The following ATAD1 variants were observed in gnomAD, a reference collection of about 807,000 sequenced individuals.
The protein encoded by ATAD1 is outer mitochondrial transmembrane helix translocase.
Under a neutral mutation model 42.7 loss-of-function variants are expected in ATAD1, and 18 were observed. That is an observed-to-expected ratio of 0.42 (90% CI 0.29 to 0.63). The LOEUF (loss-of-function observed/expected upper bound fraction) is 0.63. Ranked by LOEUF, ATAD1 falls within the 20% of genes least tolerant of loss-of-function variation. ATAD1 has a pLI of 0.19. For synonymous variants in ATAD1, 132 were observed against 143.1 expected, an observed-to-expected ratio of 0.92 and a Z score of 0.55; for missense variants, 294 against 440.4, an observed-to-expected ratio of 0.67 and a Z score of 2.98.
At chr10:87,822,888 A>T (rs1857656810), upstream of ATAD1, among the ~76,000 whole-genome samples, 5 of 152,124 alleles carry the variant, frequency 3.3e-5, no homozygotes, top group Admixed American at 3.3e-4. Flanking sequence ...CTGTATCAGC[A>T]TATATCATGT....
rs1055089995 is a variant in ATAD1, at chr10:87,807,836, T to C, written c.162+6602A>G. Among the ~76,000 whole-genome samples, 94 of 152,184 alleles carry C rather than the reference T, an allele frequency of 6.2e-4. 1 individual carries two copies. The highest frequency in any genetic ancestry group is 2.2e-3 in the African/African-American group (91 of 41,448). ...AAGACCCAAAGTAGTTAAATAAAAC[T>C]TTGTGTTTTAGGATTGCCTTCCCTA... On this transcript the variant is annotated intron_variant, in intron 2 of 9. Coordinates refer to ENST00000680024, the MANE Select transcript of ATAD1 (RefSeq NM_001321967.2).
intron 1 of ATAD1, among the ~76,000 whole-genome samples, chr10:87,829,066 A>G (rs2132106662): frequency 6.6e-6 from 1 of 152,300 alleles, no homozygotes. Context: ...CTACTAACAC[A>G]TCATCCATTC....
chr10:87,762,731 G>A (rs1445684553), intron 8 of ATAD1, among the ~76,000 whole-genome samples: 1 of 151,338 alleles, frequency 6.6e-6, no homozygotes, highest in Non-Finnish European at 1.5e-5. Flanking sequence ...GCCTCCCAAA[G>A]TGCCAGGATT....
chr10:87,823,425 A>C (rs1304525179), intron 1 of ATAD1, among the ~76,000 whole-genome samples: 1 of 152,210 alleles, frequency 6.6e-6, no homozygotes, highest in Non-Finnish European at 1.5e-5. Context: ...AGGATTGAAC[A>C]AAACCAGAAT....
At chr10:87,811,854 A>G (rs1857199370) in intron 2 of ATAD1, among the ~76,000 whole-genome samples, 1 of 152,188 alleles carries the variant, frequency 6.6e-6, no homozygotes, top group African/African-American at 2.4e-5. Flanking sequence ...TACCACCAAC[A>G]CAAACCCAAC....
At chr10:87,790,271 G>T in intron 4 of ATAD1, 39 bp downstream of exon 4, 4 of 1,587,978 alleles carry the variant, frequency 2.5e-6, no homozygotes, top group Non-Finnish European at 3.4e-6. Flanking sequence ...TGTTTTCTAG[G>T]ATTTTAATGC....
intron 7 of ATAD1, among the ~76,000 whole-genome samples, chr10:87,770,586 A>G (rs951351045): frequency 1.3e-5 from 2 of 152,218 alleles, no homozygotes; most frequent in African/African-American, 4.8e-5. Flanking sequence ...GGCCTTCTGA[A>G]TAGAACAATT....
intron 3 of ATAD1, among the ~76,000 whole-genome samples, chr10:87,791,903 G>A (rs1435331321): frequency 6.6e-6 from 1 of 152,094 alleles, no homozygotes; most frequent in East Asian, 1.9e-4. Context: ...CATTTGCCAA[G>A]GCCATTAATG....
chr10:87,808,043 A>G (rs1298985212), intron 2 of ATAD1, among the ~76,000 whole-genome samples: 3 of 152,158 alleles, frequency 2.0e-5, no homozygotes, highest in Non-Finnish European at 4.4e-5. Flanking sequence ...GCTACTATAT[A>G]ATGCTTTTTT....
At chr10:87,828,504 G>A (rs1274092122) in intron 1 of ATAD1, among the ~76,000 whole-genome samples, 1 of 152,308 alleles carries the variant, frequency 6.6e-6, no homozygotes, top group East Asian at 1.9e-4. Flanking sequence ...AGTTCATGAG[G>A]TTTAAGGAAG....
At chr10:87,840,937 A>G (rs1047255463) in intron 1 of ATAD1, among the ~76,000 whole-genome samples, 1 of 152,216 alleles carries the variant, frequency 6.6e-6, no homozygotes, top group Non-Finnish European at 1.5e-5. Flanking sequence ...TATAATTGAA[A>G]AAGTATGTAG....
chr10:87,788,890 G>C (rs1189980305), intron 4 of ATAD1, among the ~76,000 whole-genome samples: 1 of 151,948 alleles, frequency 6.6e-6, no homozygotes, highest in Non-Finnish European at 1.5e-5. Context: ...TTGCGGCAGG[G>C]GGGAAATCAC....
At chr10:87,813,579 T>G (rs537070126) in intron 2 of ATAD1, among the ~76,000 whole-genome samples, 1 of 152,188 alleles carries the variant, frequency 6.6e-6, no homozygotes, top group South Asian at 2.1e-4. Flanking sequence ...GTCATTTATT[T>G]ACATCCCTAT....
At chr10:87,801,342 A>T (rs1856682641) in intron 2 of ATAD1, among the ~76,000 whole-genome samples, 1 of 151,924 alleles carries the variant, frequency 6.6e-6, no homozygotes, top group Non-Finnish European at 1.5e-5. Flanking sequence ...CTTTTTTTTG[A>T]CCTAATTAAT....
chr10:87,834,817 TTTATTG>T (rs1490692267), intron 1 of ATAD1, among the ~76,000 whole-genome samples: 4 of 151,920 alleles, frequency 2.6e-5, no homozygotes, highest in Admixed American at 1.3e-4. Context: ...TTGGGTTTAT[TTTATTG>T]TTATTAACTT....
intron 9 of ATAD1, among the ~76,000 whole-genome samples, chr10:87,755,877 G>C (rs547146155): frequency 6.6e-6 from 1 of 152,114 alleles, no homozygotes; most frequent in Non-Finnish European, 1.5e-5. Flanking sequence ...ACTCCAGCCT[G>C]GGCAAAAGAG....
upstream of ATAD1, among the ~76,000 whole-genome samples, chr10:87,820,306 A>G (rs909352366): frequency 1.3e-4 from 20 of 152,180 alleles, no homozygotes; most frequent in Non-Finnish European, 2.5e-4. Flanking sequence ...ACTGGTAAGG[A>G]AAATGAGCTG....
Position 87,784,473 on chromosome 10 carries a change from T to C in ATAD1, c.580A>G (p.Ile194Val), listed in dbSNP as rs1855724902. 6.2e-7 allele frequency: 1 copy of C among 1,612,090 alleles called. No homozygotes were observed. The highest frequency in any genetic ancestry group is 1.1e-5 in the South Asian group (1 of 90,896). ...TCATATAGAAAACATAGCATACCTA[T>C]TTCATCTATAAAGATGATGGATGGT... ...LQPSIIFIDEIDSFLRNRSSS... is the reference protein window; with the variant it reads ...LQPSIIFIDEVDSFLRNRSSS... The change falls in exon 5 of 10, where the codon ATA (isoleucine) becomes GTA (valine). Residue 194 changes from isoleucine to valine, a missense_variant. Around this residue, in one of 3 missense-constraint regions of ATAD1, gnomAD observed 31 missense variants for 78.6 expected, o/e 0.39. Transcript: ENST00000680024.
Position 87,792,653 on chromosome 10 carries a change from A to C in ATAD1, c.261+4T>G. The C allele has an allele frequency of 6.2e-7, 1 of 1,604,088 alleles. No homozygotes were observed. On this transcript the variant is annotated splice_donor_region_variant and intron_variant, in intron 3 of 9. Transcript: ENST00000680024. ...AAATCTTAAATAAGATTAAAGATAC[A>C]TACATGCATATTAAGAGGGTCTACA...
Sources: allele counts gnomAD v4.1 joint callset (sites outside exome capture counted in the v4.1 genomes callset), GRCh38; gene constraint gnomAD v4.1.1; regional missense constraint gnomAD v4.1.1; transcripts MANE v1.5; gene names NCBI Gene and HGNC (gene_info 2026-07-23, HGNC 2026-07-21).